Variants in RSPO3 observed in about 807,000 individuals in gnomAD.
The protein encoded by RSPO3 is R-spondin 3, also known as R-spondin-3.
In RSPO3, 17 loss-of-function variants were observed where a neutral mutation model predicts 36.5. That is an observed-to-expected ratio of 0.47 (90% CI 0.32 to 0.70). RSPO3 has a LOEUF of 0.70. Ranked by LOEUF, RSPO3 falls within the 30% of genes least tolerant of loss-of-function variation. The pLI, the probability that RSPO3 is intolerant of heterozygous loss-of-function variation, is 0.04. For synonymous variants in RSPO3, 108 were observed against 107.0 expected (o/e 1.01, Z -0.06); for missense variants, 294 against 322.5 (o/e 0.91, Z 0.68).
At chr6:127,187,858 T>C (rs1246800643) in intron 4 of RSPO3, among the ~76,000 whole-genome samples, 1 of 152,178 alleles carries the variant, frequency 6.6e-6, no homozygotes, top group Non-Finnish European at 1.5e-5. Context: ...TAAAATATTA[T>C]ACAATAAAAT....
chr6:127,144,304 C>T (rs1250435014), intron 1 of RSPO3, among the ~76,000 whole-genome samples: 2 of 152,140 alleles, frequency 1.3e-5, no homozygotes, highest in African/African-American at 4.8e-5. Context: ...CCCCATTACA[C>T]ATCTAAAGTT....
chr6:127,149,763 G>A (rs1367080389), intron 2 of RSPO3, among the ~76,000 whole-genome samples: 1 of 151,950 alleles, frequency 6.6e-6, no homozygotes, highest in Non-Finnish European at 1.5e-5. Context: ...TAACTTTTGT[G>A]AGCCTCAGTT....
intron 4 of RSPO3, among the ~76,000 whole-genome samples, chr6:127,164,936 G>A (rs111696534): frequency 3.5e-4 from 53 of 152,130 alleles, no homozygotes; most frequent in Non-Finnish European, 7.2e-4. Flanking sequence ...GTAGGGAAGA[G>A]TTTCTGAATA....
At chr6:127,180,487 C>CAAAAAA (rs71543112) in intron 4 of RSPO3, among the ~76,000 whole-genome samples, 14 of 42,642 alleles carry the variant, frequency 3.3e-4, no homozygotes, top group African/African-American at 4.2e-4. Flanking sequence ...TGGAAGAAAA[C>CAAAAAA]AAAAAAAAAA....
chr6:127,121,879 CAATT>C (rs766362395), intron 1 of RSPO3, among the ~76,000 whole-genome samples: 17 of 152,116 alleles, frequency 1.1e-4, no homozygotes, highest in Non-Finnish European at 2.4e-4. Flanking sequence ...CTTCAAGAGA[CAATT>C]AAGTGAATAT....
At chr6:127,142,954 C>A (rs2114570689) in intron 1 of RSPO3, among the ~76,000 whole-genome samples, 1 of 151,298 alleles carries the variant, frequency 6.6e-6, no homozygotes, top group African/African-American at 2.4e-5. Context: ...TAGCTGAGAC[C>A]ACAGGCATGT....
At chr6:127,133,413 G>A (rs947740693) in intron 1 of RSPO3, among the ~76,000 whole-genome samples, 4 of 151,850 alleles carry the variant, frequency 2.6e-5, no homozygotes, top group African/African-American at 9.7e-5. Context: ...TAGGAGGCAG[G>A]GACATTGATT....
chr6:127,176,930 T>A (rs1364747466), intron 4 of RSPO3, among the ~76,000 whole-genome samples: 1 of 151,794 alleles, frequency 6.6e-6, no homozygotes, highest in Non-Finnish European at 1.5e-5. Flanking sequence ...ACAACTTGTT[T>A]TTTCCTTCAC....
chr6:127,195,467 C>A (rs1775495947), intron 4 of RSPO3, among the ~76,000 whole-genome samples: 1 of 152,160 alleles, frequency 6.6e-6, no homozygotes, highest in Non-Finnish European at 1.5e-5. Flanking sequence ...CCAGGCCCAG[C>A]CAAAATATAC....
intron 1 of RSPO3, among the ~76,000 whole-genome samples, chr6:127,143,333 G>A (rs954903472): frequency 5.9e-5 from 9 of 152,126 alleles, no homozygotes; most frequent in Admixed American, 5.9e-4. Context: ...AAAAAGAGAA[G>A]GCATGGAAGA....
At chr6:127,138,630 C>A (rs1019534636) in intron 1 of RSPO3, among the ~76,000 whole-genome samples, 5 of 152,030 alleles carry the variant, frequency 3.3e-5, no homozygotes, top group African/African-American at 1.2e-4. Context: ...TACACAGCAT[C>A]TCACTTAATC....
intron 4 of RSPO3, among the ~76,000 whole-genome samples, chr6:127,176,820 AG>A (rs1180924471): frequency 6.6e-6 from 1 of 151,830 alleles, no homozygotes; most frequent in Non-Finnish European, 1.5e-5. Flanking sequence ...CAAAATATTG[AG>A]GAAAATGTTT....
At chr6:127,159,134 T>TGTG (rs1774654194) in intron 4 of RSPO3, among the ~76,000 whole-genome samples, 1 of 152,168 alleles carries the variant, frequency 6.6e-6, no homozygotes. Context: ...AAGATGTGTG[T>TGTG]GCACCTGCAT....
Position 127,198,493 on chromosome 6 carries a change from CTCTGAT to C in RSPO3, c.*2491_*2496del, listed in dbSNP as rs1294767887. 6.6e-6 allele frequency among the ~76,000 whole-genome samples: 1 copy of C among 152,190 alleles called. No individual in the cohort carries two copies. The highest frequency in any genetic ancestry group is 1.5e-5 in the Non-Finnish European group (1 of 68,024). ...AGTCACAGAAGGTGTTAACTTTCTA[CTCTGAT>C]TCTGTCTCCATAATGGGGTAAACTG... On this transcript the variant is annotated 3_prime_UTR_variant, in exon 5 of 5. Coordinates refer to ENST00000356698, the MANE Select transcript of RSPO3 (RefSeq NM_032784.5).
At chr6:127,179,216 A>G (rs1775131377) in intron 4 of RSPO3, among the ~76,000 whole-genome samples, 1 of 151,870 alleles carries the variant, frequency 6.6e-6, no homozygotes, top group African/African-American at 2.4e-5. Flanking sequence ...CTATCAGATC[A>G]TTTTTAGGAA....
At chr6:127,182,224 C>T (rs776370724) in intron 4 of RSPO3, among the ~76,000 whole-genome samples, 4 of 151,934 alleles carry the variant, frequency 2.6e-5, no homozygotes, top group Non-Finnish European at 5.9e-5. Context: ...ACTCCAATGA[C>T]TCCCAAACAC....
Position 127,196,092 on chromosome 6 carries a change from A to C in RSPO3, c.*85A>C, listed in dbSNP as rs911520156. 9.1e-7 allele frequency: 1 copy of C among 1,104,134 alleles called. No individual in the cohort carries two copies. The highest frequency in any genetic ancestry group is 1.6e-5 in the African/African-American group (1 of 63,526). The allele number at this position is 1,104,134 out of a possible 1,614,324, so 68.4% of individuals were successfully genotyped here. A position where few individuals can be genotyped will look rare whatever the true frequency, so the allele number is the denominator to read the frequency against. ...CAGGTGCTCTAGCCATTAGGACCAC[A>C]AATGGACATGTCAGTTATTGCTCTG... is the stretch of plus-strand genomic sequence containing the variant. On this transcript the variant is annotated 3_prime_UTR_variant, in exon 5 of 5. Transcript: ENST00000356698.
intron 4 of RSPO3, among the ~76,000 whole-genome samples, chr6:127,186,642 A>T (rs1037694959): frequency 2.6e-5 from 4 of 152,174 alleles, no homozygotes; most frequent in African/African-American, 7.2e-5. Flanking sequence ...TTTTAAAGCA[A>T]TCTGTACCAT....
At chr6:127,120,350 C>G (rs1773817703) in intron 1 of RSPO3, among the ~76,000 whole-genome samples, 2 of 152,178 alleles carry the variant, frequency 1.3e-5, no homozygotes, top group Non-Finnish European at 1.5e-5. Flanking sequence ...AGGGGCGACC[C>G]TGGCTCTATG....
Sources: allele counts gnomAD v4.1 joint callset (sites outside exome capture counted in the v4.1 genomes callset), GRCh38; gene constraint gnomAD v4.1.1; transcripts MANE v1.5; gene names NCBI Gene and HGNC (gene_info 2026-07-23, HGNC 2026-07-21).